The following MEGF11 variants were observed in gnomAD, a reference collection of about 807,000 sequenced individuals.
MEGF11 encodes the protein multiple EGF like domains 11.
In MEGF11, 126 loss-of-function variants were observed where a neutral mutation model predicts 146.6. The ratio of observed to expected loss-of-function variants is 0.86; its 90% CI spans 0.74 to 1.00. MEGF11 has a LOEUF of 1.00. Among genes scored for constraint, MEGF11 ranks in the 50% least tolerant of loss-of-function variants. MEGF11 has a pLI of 0.00. For missense variants in MEGF11, 1,509 were observed against 1,521.2 expected (o/e 0.99, Z 0.13); for synonymous variants, 532 against 583.4 (o/e 0.91, Z 1.27).
chr15:66,111,484 G>A (rs1377188775), intron 4 of MEGF11, among the ~76,000 whole-genome samples: 4 of 152,216 alleles, frequency 2.6e-5, no homozygotes, highest in Admixed American at 2.0e-4. Context: ...GGGGAAAGGG[G>A]GAGTTTATAG....
At chr15:65,898,464 C>T (rs2078406823) in intron 25 of MEGF11, 15 of 985,342 alleles carry the variant, frequency 1.5e-5, no homozygotes, top group Middle Eastern at 5.2e-4. Context: ...TGCGCGCGTG[C>T]ACGTGCATGT....
intron 5 of MEGF11, among the ~76,000 whole-genome samples, chr15:65,992,081 G>C (rs1205424450): frequency 6.6e-6 from 1 of 152,198 alleles, no homozygotes; most frequent in Admixed American, 6.5e-5. Context: ...GCAGTGTCTC[G>C]GGCAGCAGGG....
intron 1 of MEGF11, among the ~76,000 whole-genome samples, chr15:66,220,858 A>C (rs993845567): frequency 2.6e-5 from 4 of 152,104 alleles, no homozygotes; most frequent in Non-Finnish European, 4.4e-5. Context: ...CAAGAGTTTT[A>C]AATCAGCAGT....
intron 1 of MEGF11, among the ~76,000 whole-genome samples, chr15:66,230,886 T>C (rs2091954139): frequency 6.6e-6 from 1 of 152,166 alleles, no homozygotes; most frequent in African/African-American, 2.4e-5. Flanking sequence ...AGAGGGGACT[T>C]GGCTCGTCCA....
At chr15:65,972,085 G>T (rs1042526211) in intron 7 of MEGF11, among the ~76,000 whole-genome samples, 2 of 152,052 alleles carry the variant, frequency 1.3e-5, no homozygotes, top group African/African-American at 4.8e-5. Context: ...ACATAAAGTT[G>T]AGGAAATTTA....
At chr15:65,983,653 G>A (rs1567189601) in intron 5 of MEGF11, among the ~76,000 whole-genome samples, 1 of 152,160 alleles carries the variant, frequency 6.6e-6, no homozygotes, top group African/African-American at 2.4e-5. Context: ...CAACCATCTT[G>A]CTTTCAGCAC....
intron 5 of MEGF11, among the ~76,000 whole-genome samples, chr15:66,038,734 G>A (rs535716979): frequency 6.6e-6 from 1 of 152,276 alleles, no homozygotes; most frequent in Non-Finnish European, 1.5e-5. Context: ...TTCTGCCTCT[G>A]AGTCCTGTGT....
At chr15:66,130,273 G>A (rs2088583706) in intron 1 of MEGF11, among the ~76,000 whole-genome samples, 1 of 152,140 alleles carries the variant, frequency 6.6e-6, no homozygotes. Flanking sequence ...GGCTAATCAG[G>A]CATCAAATAA....
intron 1 of MEGF11, among the ~76,000 whole-genome samples, chr15:66,156,687 T>C (rs553039750): frequency 6.2e-4 from 94 of 152,276 alleles, no homozygotes; most frequent in Admixed American, 3.5e-3. Flanking sequence ...CTGCCTTCGT[T>C]AACCAGGGCT....
chr15:66,025,010 G>A lies in MEGF11; in HGVS notation c.395-42522C>T, dbSNP rs531897369. On this transcript the variant is annotated intron_variant, in intron 5 of 25. Coordinates refer to ENST00000395614, the MANE Select transcript of MEGF11 (RefSeq NM_001385028.1). ...CCCCCACCCCTGTTAATGGCCGTCA[G>A]GGGAAATCATCTGCAGGAGATCAAA... Among the ~76,000 whole-genome samples, 194 of 150,624 alleles carry A rather than the reference G, an allele frequency of 1.3e-3. 2 individuals carry two copies. The highest frequency in any genetic ancestry group is 4.7e-3 in the African/African-American group (192 of 41,284).
At chr15:65,927,137 A>G (rs865949058) in intron 13 of MEGF11, among the ~76,000 whole-genome samples, 1 of 152,240 alleles carries the variant, frequency 6.6e-6, no homozygotes. Flanking sequence ...TGAAATGCTT[A>G]TTAAGCACTT....
chr15:66,098,092 T>C (rs926622227), intron 4 of MEGF11, among the ~76,000 whole-genome samples: 2 of 152,234 alleles, frequency 1.3e-5, no homozygotes, highest in Non-Finnish European at 2.9e-5. Context: ...GTTCCACAAA[T>C]GCAGGATAGA....
chr15:66,160,013 C>A (rs948020689), intron 1 of MEGF11, among the ~76,000 whole-genome samples: 3 of 152,224 alleles, frequency 2.0e-5, no homozygotes, highest in Non-Finnish European at 4.4e-5. Context: ...CGCTCCCTCT[C>A]CCCATTTTTC....
intron 1 of MEGF11, among the ~76,000 whole-genome samples, chr15:66,179,315 TAG>T (rs1429267721): frequency 1.3e-5 from 2 of 152,118 alleles, no homozygotes; most frequent in African/African-American, 4.8e-5. Flanking sequence ...GTATTTTTAG[TAG>T]AGATGGGGTT....
intron 8 of MEGF11, among the ~76,000 whole-genome samples, chr15:65,966,711 G>A (rs981941988): frequency 6.6e-6 from 1 of 152,124 alleles, no homozygotes; most frequent in Non-Finnish European, 1.5e-5. Context: ...TGTCCTGTGT[G>A]TGTCTGGGCT....
chr15:66,015,294 G>A (rs2082849791), intron 5 of MEGF11, among the ~76,000 whole-genome samples: 1 of 152,186 alleles, frequency 6.6e-6, no homozygotes, highest in African/African-American at 2.4e-5. Context: ...CTGTAGGAGG[G>A]TGAGGGTCAT....
intron 13 of MEGF11, among the ~76,000 whole-genome samples, chr15:65,923,280 G>A (rs1261635474): frequency 6.6e-6 from 1 of 152,216 alleles, no homozygotes; most frequent in Non-Finnish European, 1.5e-5. Context: ...ACCACAAAGT[G>A]CAAAATGGGG....
At chr15:66,250,573 A>C (rs1469362011) in intron 1 of MEGF11, among the ~76,000 whole-genome samples, 1 of 152,206 alleles carries the variant, frequency 6.6e-6, no homozygotes, top group Non-Finnish European at 1.5e-5. Context: ...CCTGCCTTTC[A>C]TAAGTTCGGA....
chr15:66,219,282 C>T (rs1015818170), intron 1 of MEGF11, among the ~76,000 whole-genome samples: 9 of 152,080 alleles, frequency 5.9e-5, no homozygotes, highest in Non-Finnish European at 1.0e-4. Context: ...CTCTACAGAG[C>T]GGGAGAAAAT....
Sources: gnomAD v4.1 joint callset for allele counts (sites outside exome capture counted in the v4.1 genomes callset) on GRCh38, gnomAD v4.1.1 for gene constraint, MANE v1.5 for transcripts, NCBI Gene and HGNC (gene_info 2026-07-23, HGNC 2026-07-21) for gene names.